PARP4: variants seen among roughly 807,000 people sequenced by gnomAD.
PARP4 encodes poly(ADP-ribose) polymerase family member 4.
In PARP4, 120 loss-of-function variants were observed where a neutral mutation model predicts 187.7. That is an observed-to-expected ratio of 0.64 (90% CI 0.55 to 0.74). The LOEUF is 0.74. Ranked by LOEUF, PARP4 falls within the 30% of genes least tolerant of loss-of-function variation. The probability of loss-of-function intolerance (pLI) is 0.00; values close to 1 mark genes in which losing one functional copy is unlikely to be tolerated. For synonymous variants in PARP4, 654 were observed against 740.9 expected (o/e 0.88, Z 1.90); for missense variants, 1,836 against 2,070.5 (o/e 0.89, Z 2.20).
intron 17 of PARP4, among the ~76,000 whole-genome samples, chr13:24,465,827 A>G (rs1017956687): frequency 2.0e-5 from 3 of 152,234 alleles, no homozygotes; most frequent in Admixed American, 1.3e-4. Flanking sequence ...TTTATAATAT[A>G]TGAAGAAATA....
At chr13:24,501,502 A>T in intron 3 of PARP4, 131 bp downstream of exon 3, 1 of 649,934 alleles carries the variant, frequency 1.5e-6, no homozygotes, top group East Asian at 2.6e-5. Flanking sequence ...TTTTCTGTCC[A>T]TTTTCTGAGG....
chr13:24,455,381 T>C (rs1038606271), intron 21 of PARP4, among the ~76,000 whole-genome samples, 169 bp from the exon 22 acceptor site: 5 of 151,686 alleles, frequency 3.3e-5, no homozygotes, highest in Non-Finnish European at 4.4e-5. Flanking sequence ...CAGTCAAAAG[T>C]AGAATGTTAG....
At chr13:24,456,757 G>C (rs1286660817) in intron 20 of PARP4, among the ~76,000 whole-genome samples, 1 of 151,966 alleles carries the variant, frequency 6.6e-6, no homozygotes, top group East Asian at 1.9e-4. Context: ...AAAATTAGCT[G>C]GGCGTAATGG....
chr13:24,494,407 T>A (rs1373281725), intron 7 of PARP4, among the ~76,000 whole-genome samples, 166 bp downstream of exon 7: 1 of 152,224 alleles, frequency 6.6e-6, no homozygotes, highest in Non-Finnish European at 1.5e-5. Context: ...TTGCCAAGGC[T>A]GGTCTTGAAC....
intron 31 of PARP4, among the ~76,000 whole-genome samples, chr13:24,433,355 G>A (rs1974340): frequency 0.94 from 142,777 of 152,226 alleles, 67,099 homozygotes; most frequent in East Asian, 0.99. Flanking sequence ...ATGGCATACT[G>A]GTGTCCCACC....
chr13:24,441,782 G>C (rs1193761958), intron 30 of PARP4, 64 bp downstream of exon 30: 1 of 1,476,238 alleles, frequency 6.8e-7, no homozygotes, highest in African/African-American at 1.4e-5. Flanking sequence ...TTAGCAAAGG[G>C]TTCCCTTCAT....
intron 18 of PARP4, 116 bp from the exon 19 acceptor site, chr13:24,459,426 T>G (rs1298763877): frequency 3.1e-6 from 3 of 972,230 alleles, no homozygotes; most frequent in Non-Finnish European, 4.4e-6. Context: ...TGGTTTCACT[T>G]TCAAGCAGTG....
At chr13:24,496,649 G>C (rs1456015720) in intron 6 of PARP4, among the ~76,000 whole-genome samples, 1 of 152,142 alleles carries the variant, frequency 6.6e-6, no homozygotes, top group Admixed American at 6.5e-5. Flanking sequence ...CTCAGAGTGG[G>C]AACAAAGGGA....
rs1488745780 is a variant in PARP4, at chr13:24,487,225, A to C, written c.1215-920T>G. 2.0e-5 allele frequency among the ~76,000 whole-genome samples: 3 copies of C among 149,480 alleles called. No homozygotes were observed. In the East Asian group the frequency reaches 5.9e-4, roughly 29 times the overall value. ...CAGTGAGCCAAGATCACGCCATTGC[A>C]CTCCAGCCTGGCCACAGAGCAAGGC... On this transcript the variant is annotated intron_variant, in intron 10 of 33. Coordinates refer to ENST00000381989, the MANE Select transcript of PARP4 (RefSeq NM_006437.4).
chr13:24,448,580 T>G (rs1871333698), intron 25 of PARP4, among the ~76,000 whole-genome samples: 1 of 152,026 alleles, frequency 6.6e-6, no homozygotes, highest in African/African-American at 2.4e-5. Flanking sequence ...CCAAAAAAAC[T>G]AAACATAAAA....
At chr13:24,473,734 C>T (rs900786834) in intron 15 of PARP4, among the ~76,000 whole-genome samples, 17 of 152,146 alleles carry the variant, frequency 1.1e-4, no homozygotes, top group African/African-American at 4.1e-4. Flanking sequence ...CTTTCACCCC[C>T]ACCACACCAT....
chr13:24,510,774 T>C (rs1869975427), intron 1 of PARP4, among the ~76,000 whole-genome samples: 1 of 152,152 alleles, frequency 6.6e-6, no homozygotes, highest in Admixed American at 6.5e-5. Context: ...TACATACACA[T>C]AGTTGTGAAA....
intron 10 of PARP4, among the ~76,000 whole-genome samples, chr13:24,487,855 T>C (rs1428513556): frequency 1.3e-5 from 2 of 152,182 alleles, no homozygotes; most frequent in Admixed American, 6.5e-5. Flanking sequence ...GGCTGGGTTA[T>C]GTTCTACACC....
In PARP4 at chr13:24,460,022, C is replaced by T. The variant is rs199572791; in HGVS notation, c.2248G>A (p.Ala750Thr). ...TCCTGTTGCCAGGGTGCTACGGTGG[C>T]GGGCATGAAAAAGACACCAACAGTG... ...LGTVGVFFMP[A>T]TVAPWQQDKA... is the part of the protein sequence containing the mutation. Residue 750 changes from alanine (A) to threonine (T), a missense_variant, in exon 18 of 34, where the codon GCC becomes ACC. Ala to Thr is a moderately conservative substitution (Grantham distance 58). Around this residue, in one of 8 missense-constraint regions of PARP4, gnomAD observed 1,147 missense variants for 1,214.2 expected, o/e 0.94. Coordinates refer to ENST00000381989, the MANE Select transcript of PARP4 (RefSeq NM_006437.4). 1.3e-3 allele frequency: 2,125 copies of T among 1,613,966 alleles called. 45 individuals are homozygous for T. The South Asian group carries it at 0.021, about 16-fold the overall frequency.
intron 2 of PARP4, among the ~76,000 whole-genome samples, chr13:24,502,152 C>T (rs1419239692): frequency 1.3e-5 from 2 of 152,026 alleles, no homozygotes; most frequent in Admixed American, 1.3e-4. Context: ...CAATTATTTT[C>T]TTAGTAGTGG....
intron 9 of PARP4, among the ~76,000 whole-genome samples, chr13:24,492,100 T>C (rs1437980531): frequency 1.3e-5 from 2 of 152,206 alleles, no homozygotes; most frequent in African/African-American, 4.8e-5. Flanking sequence ...TAAATGTCCT[T>C]ATCGTTTAAG....
chr13:24,424,818 C>A (rs1869936976), intron 33 of PARP4, among the ~76,000 whole-genome samples: 1 of 150,008 alleles, frequency 6.7e-6, no homozygotes, highest in South Asian at 2.1e-4. Context: ...ACTACAGGCA[C>A]CCGCCATCAC....
intron 1 of PARP4, among the ~76,000 whole-genome samples, chr13:24,507,771 T>C (rs1869791160): frequency 6.6e-6 from 1 of 152,186 alleles, no homozygotes; most frequent in Non-Finnish European, 1.5e-5. Flanking sequence ...CCAACAGCTA[T>C]CTCATTCCCT....
intron 33 of PARP4, among the ~76,000 whole-genome samples, chr13:24,423,076 C>T (rs7337859): frequency 0.024 from 3,710 of 152,236 alleles, 106 homozygotes; most frequent in African/African-American, 0.066. Flanking sequence ...GTTTTAACAG[C>T]TATAATATTA....
Sources: gnomAD v4.1 joint callset for allele counts (sites outside exome capture counted in the v4.1 genomes callset) on GRCh38, gnomAD v4.1.1 for gene constraint, gnomAD v4.1.1 regional missense constraint, MANE v1.5 for transcripts, NCBI Gene and HGNC (gene_info 2026-07-23, HGNC 2026-07-21) for gene names.